ING4: variants seen among roughly 807,000 people sequenced by gnomAD.
The protein encoded by ING4 is inhibitor of growth family member 4.
A neutral mutation model predicts 33.1 loss-of-function variants in ING4; 28 were observed. That is an observed-to-expected ratio of 0.85 (90% confidence interval 0.63 to 1.16). The LOEUF is 1.16. Ranked by LOEUF, ING4 falls within the 50% of genes most tolerant of loss-of-function variation. The pLI, the probability that ING4 is intolerant of heterozygous loss-of-function variation, is 0.00. For synonymous variants in ING4, 87 were observed against 104.4 expected (o/e 0.83, Z 1.02); for missense variants, 247 against 314.7 (o/e 0.78, Z 1.63).
intron 1 of ING4, among the ~76,000 whole-genome samples, chr12:6,661,173 C>T: frequency 6.6e-6 from 1 of 151,862 alleles, no homozygotes; most frequent in African/African-American, 2.4e-5. Flanking sequence ...TCTCGGCCCA[C>T]TGCAACCTCC....
At chr12:6,658,864 C>G (rs1254029378) in intron 1 of ING4, among the ~76,000 whole-genome samples, 1 of 152,224 alleles carries the variant, frequency 6.6e-6, no homozygotes, top group Non-Finnish European at 1.5e-5. Flanking sequence ...CTCTGCTTTG[C>G]CCATACTGGC....
At chr12:6,651,271 G>A in intron 7 of ING4, 37 bp from the exon 8 acceptor site, 1 of 1,613,806 alleles carries the variant, frequency 6.2e-7, no homozygotes. Flanking sequence ...TGAGTGAAAG[G>A]GAGAATGCCC....
At chr12:6,652,837 C>T (rs1170187199) in intron 4 of ING4, 70 bp from the exon 5 acceptor site, 4 of 1,565,114 alleles carry the variant, frequency 2.6e-6, no homozygotes, top group South Asian at 1.1e-5. Flanking sequence ...CTTCTCTCCC[C>T]CTTTCCAACC....
rs11064304 is a variant in ING4, at chr12:6,653,992, G to A, written c.110-596C>T. ...ATCCTCCCATCTCAGGCACCACCAC[G>A]CCTGGCTAATTTTTTCTATTTTTTT... On this transcript the variant is annotated intron_variant, in intron 2 of 7. Coordinates refer to ENST00000341550, the MANE Select transcript of ING4 (RefSeq NM_016162.4). Among the ~76,000 whole-genome samples, 226 of 152,030 alleles carry A rather than the reference G, an allele frequency of 1.5e-3. 2 individuals carry two copies. Among genetic ancestry groups the A allele is most frequent in the East Asian group, 0.014 (70 of 5,148 alleles).
chr12:6,652,955 A>G lies in ING4; in HGVS notation c.372T>C (p.Ser124=). The G allele has an allele frequency of 6.2e-7, 1 of 1,613,412 alleles. No homozygotes were observed. The highest frequency in any genetic ancestry group is 8.5e-7 in the Non-Finnish European group (1 of 1,179,428). Residue 124 remains serine, a synonymous_variant, in exon 4 of 8, where the codon TCT becomes TCC. Transcript: ENST00000341550. The stretch of plus-strand genomic sequence containing the variant: ...CCTCACTCTTTTTGCCTTTGCTGGA[A>G]GAGCTGTCATAGTCACTTGACTCAA... ...KQIESSDYDS[S]SSKGKKSRTQ... is the part of the protein sequence containing the mutation.
At chr12:6,660,420 C>T (rs1205474505) in intron 1 of ING4, among the ~76,000 whole-genome samples, 1 of 152,142 alleles carries the variant, frequency 6.6e-6, no homozygotes, top group Non-Finnish European at 1.5e-5. Context: ...ACCAGCCTGG[C>T]CAACACAGTG....
intron 3 of ING4, 85 bp from the exon 4 acceptor site, chr12:6,653,135 C>G: frequency 1.9e-6 from 3 of 1,592,594 alleles, no homozygotes; most frequent in South Asian, 1.1e-5. Context: ...ATGGATCTCA[C>G]AGACCCCAAA....
rs114423275 is a variant in ING4 at position 6,654,143 on chromosome 12, A to G, written c.110-747T>C. 2.3e-3 allele frequency among the ~76,000 whole-genome samples: 345 copies of G among 151,644 alleles called. 2 individuals are homozygous for G. Among genetic ancestry groups the G allele is most frequent in the African/African-American group, 8.1e-3 (333 of 41,340 alleles). On this transcript the variant is annotated intron_variant, in intron 2 of 7. Coordinates refer to ENST00000341550, the MANE Select transcript of ING4 (RefSeq NM_016162.4). ...TGAGCTACCATGCCTGGCCTAATCTATTTATTTTTAGAGGCAGGCGCAGGT... is the reference window on the plus strand; with the variant it reads ...TGAGCTACCATGCCTGGCCTAATCTGTTTATTTTTAGAGGCAGGCGCAGGT...
chr12:6,653,522 G>GTTCAGAGGGGAAA, intron 2 of ING4, 126 bp from the exon 3 acceptor site: 1 of 912,990 alleles, frequency 1.1e-6, no homozygotes, highest in Non-Finnish European at 1.6e-6. Context: ...AGTACTGAAT[G>GTTCAGAGGGGAAA]TTCAGAGGTA....
At position 6,652,923 on chromosome 12, in the gene ING4, G is replaced by A. The variant is rs766704155; in HGVS notation, c.391+13C>T. On this transcript the variant is annotated intron_variant, in intron 4 of 7. Coordinates refer to ENST00000341550, the MANE Select transcript of ING4 (RefSeq NM_016162.4). ...TCCTCGCCCCACCTCTCACAGCCCC[G>A]CCCCCTCCTCACTCTTTTTGCCTTT... 13 of 1,599,342 alleles carry A rather than the reference G, an allele frequency of 8.1e-6. No homozygotes were observed. The highest frequency in any genetic ancestry group is 4.5e-5 in the East Asian group (2 of 44,768).
chr12:6,651,238 A>G lies in ING4; in HGVS notation c.708-4T>C. The G allele has an allele frequency of 1.2e-6, 2 of 1,614,188 alleles. No homozygotes were observed. Among genetic ancestry groups the G allele is most frequent in the African/African-American group, 1.3e-5 (1 of 75,052 alleles). On this transcript the variant is annotated splice_region_variant and splice_polypyrimidine_tract_variant and intron_variant, in intron 7 of 7. Coordinates refer to ENST00000341550, the MANE Select transcript of ING4 (RefSeq NM_016162.4). ...TTGGGAGCAGCGTGGGCAAAACCTGAAACAGAGAAGGGGAGAGAAAAGTGA... is the reference window on the plus strand; with the variant it reads ...TTGGGAGCAGCGTGGGCAAAACCTGGAACAGAGAAGGGGAGAGAAAAGTGA...
chr12:6,662,430 T>C (rs1418548710), intron 1 of ING4, among the ~76,000 whole-genome samples: 2 of 152,142 alleles, frequency 1.3e-5, no homozygotes, highest in Non-Finnish European at 2.9e-5. Flanking sequence ...GTGCCTGCCA[T>C]TATGTCTGAC....
intron 1 of ING4, among the ~76,000 whole-genome samples, chr12:6,658,645 C>T (rs1192374328): frequency 1.3e-5 from 2 of 152,120 alleles, no homozygotes; most frequent in Non-Finnish European, 2.9e-5. Context: ...GAGATCACGC[C>T]AATGCACTCC....
chr12:6,653,195 G>A, intron 3 of ING4, 35 bp downstream of exon 3: 2 of 1,611,566 alleles, frequency 1.2e-6, no homozygotes, highest in Non-Finnish European at 1.7e-6. Flanking sequence ...AGGATTAGAT[G>A]GGAAGTAGGT....
intron 1 of ING4, among the ~76,000 whole-genome samples, chr12:6,659,654 T>C (rs552512402): frequency 4.0e-5 from 6 of 151,108 alleles, no homozygotes; most frequent in African/African-American, 1.5e-4. Context: ...CTACTAAAAA[T>C]ACAAAAAAAT....
Position 6,652,759 on chromosome 12 carries a change from G to C in ING4, c.400C>G (p.Gln134Glu), listed in dbSNP as rs1381504777. 1 of 1,613,970 alleles carries C rather than the reference G, an allele frequency of 6.2e-7. No homozygotes were observed. The highest frequency in any genetic ancestry group is 8.5e-7 in the Non-Finnish European group (1 of 1,180,026). Residue 134 changes from glutamine to glutamate, a missense_variant, in exon 5 of 8, where the codon CAA becomes GAA. Transcript: ENST00000341550. ...GCACGAGCAGCTTTCTTCTCCTTTT[G>C]AGTCCGGCCTTCTAGGGAAGAGGGA... ...SSSKGKKSRT[Q>E]KEKKAARARS...
intron 1 of ING4, among the ~76,000 whole-genome samples, chr12:6,658,551 G>A (rs1218132725): frequency 6.6e-6 from 1 of 151,762 alleles, no homozygotes; most frequent in African/African-American, 2.4e-5. Context: ...GCCAGGCTTG[G>A]TGCACATGCC....
chr12:6,653,482 C>G, intron 2 of ING4, 86 bp from the exon 3 acceptor site: 1 of 1,316,694 alleles, frequency 7.6e-7, no homozygotes, highest in South Asian at 1.4e-5. Flanking sequence ...TGGACCTTTT[C>G]CATTGATTAG....
chr12:6,656,876 G>T, intron 1 of ING4, 78 bp from the exon 2 acceptor site: 2 of 876,844 alleles, frequency 2.3e-6, no homozygotes, highest in Non-Finnish European at 3.5e-6. Context: ...AGTTCAGGCC[G>T]GACATGGTGG....
Sources: gnomAD v4.1 joint callset for allele counts (sites outside exome capture counted in the v4.1 genomes callset) on GRCh38, gnomAD v4.1.1 for gene constraint, MANE v1.5 for transcripts, NCBI Gene and HGNC (gene_info 2026-07-23, HGNC 2026-07-21) for gene names.